Variants in ATRNL1 observed in about 807,000 individuals in gnomAD.
ATRNL1 encodes the protein attractin-like protein 1.
A neutral mutation model predicts 182.7 loss-of-function variants in ATRNL1; 95 were observed. The ratio of observed to expected loss-of-function variants is 0.52; its 90% confidence interval spans 0.44 to 0.62. The LOEUF is 0.62. Ranked by LOEUF, ATRNL1 falls within the 20% of genes least tolerant of loss-of-function variation. The probability of loss-of-function intolerance (pLI) is 0.00; values close to 1 mark genes in which losing one functional copy is unlikely to be tolerated. For synonymous variants in ATRNL1, 576 were observed against 568.3 expected (o/e 1.01, Z -0.19); for missense variants, 1,471 against 1,679.5 (o/e 0.88, Z 2.17).
At chr10:115,181,305 T>C (rs1349924435) in intron 8 of ATRNL1, among the ~76,000 whole-genome samples, 4 of 151,898 alleles carry the variant, frequency 2.6e-5, no homozygotes, top group South Asian at 2.1e-4. Context: ...GACAGCTGCA[T>C]ATGTAATAGA....
intron 5 of ATRNL1, among the ~76,000 whole-genome samples, chr10:115,137,338 T>C (rs1228910494): frequency 2.0e-5 from 3 of 152,244 alleles, no homozygotes; most frequent in Non-Finnish European, 4.4e-5. Context: ...CTCATTGTAA[T>C]AGAATTCTCA....
chr10:115,553,591 T>C (rs762049674), intron 26 of ATRNL1, among the ~76,000 whole-genome samples: 3 of 151,400 alleles, frequency 2.0e-5, no homozygotes, highest in African/African-American at 4.8e-5. Context: ...CTGCATATTT[T>C]GTAATCATGA....
At chr10:115,396,017 CT>C (rs2134284888) in intron 20 of ATRNL1, among the ~76,000 whole-genome samples, 1 of 151,498 alleles carries the variant, frequency 6.6e-6, no homozygotes, top group Admixed American at 6.6e-5. Context: ...AAATTTATAC[CT>C]AAAGTCTATT....
intron 21 of ATRNL1, among the ~76,000 whole-genome samples, chr10:115,433,630 A>G (rs1554964388): frequency 6.6e-6 from 1 of 152,098 alleles, no homozygotes; most frequent in Non-Finnish European, 1.5e-5. Flanking sequence ...TGAAGTCTGT[A>G]TCCCTGTACT....
intron 26 of ATRNL1, among the ~76,000 whole-genome samples, chr10:115,561,704 G>GTGT (rs1554999746): frequency 0.026 from 3,702 of 144,992 alleles, 82 homozygotes; most frequent in African/African-American, 0.051. Flanking sequence ...TGTGTGTGTG[G>GTGT]GTGTGTGTGT....
At chr10:115,716,340 A>T (rs933064787) in intron 26 of ATRNL1, among the ~76,000 whole-genome samples, 1 of 152,316 alleles carries the variant, frequency 6.6e-6, no homozygotes, top group East Asian at 1.9e-4. Flanking sequence ...GGAAAAAAAT[A>T]TCTTTAATAT....
chr10:115,789,730 A>G (rs1261699831), intron 27 of ATRNL1, among the ~76,000 whole-genome samples: 2 of 152,152 alleles, frequency 1.3e-5, no homozygotes, highest in Non-Finnish European at 2.9e-5. Flanking sequence ...ATTTACTTTA[A>G]TCAGGACCCC....
chr10:115,589,542 G>T (rs1173889377), intron 26 of ATRNL1, among the ~76,000 whole-genome samples: 1 of 151,986 alleles, frequency 6.6e-6, no homozygotes, highest in Non-Finnish European at 1.5e-5. Flanking sequence ...AATTCTCATT[G>T]TACAAAGTCT....
At chr10:115,223,240 C>T (rs1849540192) in intron 9 of ATRNL1, among the ~76,000 whole-genome samples, 1 of 152,138 alleles carries the variant, frequency 6.6e-6, no homozygotes, top group Non-Finnish European at 1.5e-5. Flanking sequence ...GAGATCGCAT[C>T]GCTGGACTCC....
intron 19 of ATRNL1, among the ~76,000 whole-genome samples, chr10:115,361,297 C>T (rs973566301): frequency 9.2e-5 from 14 of 151,820 alleles, no homozygotes; most frequent in Admixed American, 2.6e-4. Flanking sequence ...TCTCTTTTGT[C>T]TACCTGTCTA....
rs1374726461 is a variant in ATRNL1 at position 115,246,642 on chromosome 10, G to C, written c.1687+4917G>C. On this transcript the variant is annotated intron_variant, in intron 10 of 28. Coordinates refer to ENST00000355044, the MANE Select transcript of ATRNL1 (RefSeq NM_207303.4). ...GTAGCGCAATCTCGGCTCACTGCAA[G>C]CTCCACTTCCTGGGTTCACGCCATT... 4.0e-5 allele frequency among the ~76,000 whole-genome samples: 5 copies of C among 123,854 alleles called. 1 individual carries two copies. The allele number at this position is 123,854 out of a possible 152,430, so 81.3% of individuals were successfully genotyped here.
At chr10:115,349,190 A>G (rs1201084778) in intron 19 of ATRNL1, among the ~76,000 whole-genome samples, 11 of 152,304 alleles carry the variant, frequency 7.2e-5, no homozygotes, top group African/African-American at 2.6e-4. Flanking sequence ...TAGCTCCCAC[A>G]TATGAATGAG....
At chr10:115,933,034 G>C (rs1315042979) in intron 28 of ATRNL1, among the ~76,000 whole-genome samples, 1 of 130,848 alleles carries the variant, frequency 7.6e-6, no homozygotes, top group Admixed American at 7.2e-5. Flanking sequence ...ACTTTGCTCA[G>C]ATCCCTTGAG....
chr10:115,750,544 A>G (rs1399953523), intron 27 of ATRNL1, among the ~76,000 whole-genome samples: 1 of 151,912 alleles, frequency 6.6e-6, no homozygotes, highest in African/African-American at 2.4e-5. Context: ...CTGTAACCTC[A>G]GAGTGGCCAA....
intron 17 of ATRNL1, among the ~76,000 whole-genome samples, chr10:115,304,498 G>A (rs1478871332): frequency 2.0e-5 from 3 of 152,176 alleles, no homozygotes; most frequent in African/African-American, 4.8e-5. Context: ...TAATAGGCAA[G>A]AAAGAAAAGA....
intron 26 of ATRNL1, among the ~76,000 whole-genome samples, chr10:115,656,174 T>G (rs946735750): frequency 6.6e-6 from 1 of 152,192 alleles, no homozygotes; most frequent in Non-Finnish European, 1.5e-5. Context: ...TTACATGTCA[T>G]TAAAACAAAT....
chr10:115,856,188 G>A (rs782202145), intron 28 of ATRNL1, among the ~76,000 whole-genome samples: 9 of 151,898 alleles, frequency 5.9e-5, no homozygotes, highest in Non-Finnish European at 1.2e-4. Flanking sequence ...CAGCACTTTG[G>A]GAGGCCGAGG....
intron 26 of ATRNL1, among the ~76,000 whole-genome samples, chr10:115,633,045 G>A (rs578060338): frequency 3.3e-5 from 5 of 151,800 alleles, no homozygotes; most frequent in African/African-American, 1.2e-4. Context: ...GGCATGCACT[G>A]CCACACCCGG....
chr10:115,827,208 A>G (rs1950455493), intron 27 of ATRNL1, among the ~76,000 whole-genome samples: 1 of 152,198 alleles, frequency 6.6e-6, no homozygotes, highest in Non-Finnish European at 1.5e-5. Flanking sequence ...TGAAAGTCCG[A>G]CAGCATTGAC....
Sources: allele counts gnomAD v4.1 joint callset (sites outside exome capture counted in the v4.1 genomes callset), GRCh38; gene constraint gnomAD v4.1.1; transcripts MANE v1.5; gene names NCBI Gene and HGNC (gene_info 2026-07-23, HGNC 2026-07-21).